Variants in PHACTR1 observed in about 807,000 individuals in gnomAD.
The protein encoded by PHACTR1 is phosphatase and actin regulator 1.
In PHACTR1, 16 loss-of-function variants were observed where a neutral mutation model predicts 69.2. The observed-to-expected ratio is 0.23, with a 90% CI of 0.16 to 0.35. The LOEUF is 0.35. Among genes scored for constraint, PHACTR1 ranks in the 10% least tolerant of loss-of-function variants. The pLI is 1.00. For missense variants in PHACTR1, 510 were observed against 734.7 expected (o/e 0.69, Z 3.54); for synonymous variants, 312 against 284.5 (o/e 1.10, Z -0.97).
chr6:13,038,106 G>T (rs1803593818), intron 4 of PHACTR1, among the ~76,000 whole-genome samples: 1 of 152,134 alleles, frequency 6.6e-6, no homozygotes, highest in African/African-American at 2.4e-5. Flanking sequence ...TAGTAATTCA[G>T]ATATTTTTCC....
chr6:12,753,971 T>TATA (rs1386704431), intron 4 of PHACTR1, among the ~76,000 whole-genome samples: 6 of 114,292 alleles, frequency 5.2e-5, no homozygotes, highest in East Asian at 2.2e-4. Context: ...TATATATATA[T>TATA]TTTTTTTTTG....
intron 3 of PHACTR1, among the ~76,000 whole-genome samples, chr6:12,719,625 T>C (rs1051470637): frequency 3.9e-5 from 6 of 152,134 alleles, no homozygotes; most frequent in African/African-American, 1.4e-4. Flanking sequence ...AGGAGGACAA[T>C]GTCCCTATTT....
chr6:13,069,354 T>G (rs1165634413), intron 5 of PHACTR1, among the ~76,000 whole-genome samples: 2 of 152,140 alleles, frequency 1.3e-5, no homozygotes, highest in Non-Finnish European at 2.9e-5. Flanking sequence ...TATTTTCTAT[T>G]CCTTTAACAC....
At chr6:12,935,234 G>A (rs1403062697) in intron 4 of PHACTR1, among the ~76,000 whole-genome samples, 1 of 151,948 alleles carries the variant, frequency 6.6e-6, no homozygotes, top group Non-Finnish European at 1.5e-5. Flanking sequence ...ATACACTGAT[G>A]TTATTTTATT....
At chr6:13,157,184 T>C (rs1758305823) in intron 5 of PHACTR1, among the ~76,000 whole-genome samples, 1 of 152,204 alleles carries the variant, frequency 6.6e-6, no homozygotes, top group Admixed American at 6.5e-5. Context: ...TTTCTCCATC[T>C]AGAGCAGGCT....
At chr6:13,151,966 A>AT (rs1824380487) in intron 5 of PHACTR1, among the ~76,000 whole-genome samples, 1 of 152,124 alleles carries the variant, frequency 6.6e-6, no homozygotes, top group East Asian at 1.9e-4. Flanking sequence ...TAAATGCCCT[A>AT]TTTTTAACAA....
chr6:13,201,507 G>A lies in PHACTR1; in HGVS notation c.665-4308G>A, dbSNP rs541086741. 6.8e-4 allele frequency among the ~76,000 whole-genome samples: 104 copies of A among 152,272 alleles called. 1 individual carries two copies. Among genetic ancestry groups the A allele is most frequent in the Non-Finnish European group, 2.5e-4 (17 of 68,032 alleles). On this transcript the variant is annotated intron_variant, in intron 7 of 14. Coordinates refer to ENST00000332995, the MANE Select transcript of PHACTR1 (RefSeq NM_030948.6). Reference sequence around the variant, plus strand: ...CATGGACTGAGCATGGAGCCATCATGGACCTCACGCATGCCCAGCAGGTGC... The same window carrying A: ...CATGGACTGAGCATGGAGCCATCATAGACCTCACGCATGCCCAGCAGGTGC...
Position 13,258,309 on chromosome 6 carries a change from C to T in PHACTR1, c.1392-14551C>T, listed in dbSNP as rs138980600. 1.3e-4 allele frequency among the ~76,000 whole-genome samples: 19 copies of T among 150,748 alleles called. No homozygotes were observed. In the East Asian group the frequency reaches 1.6e-3, roughly 12 times the overall value. On this transcript the variant is annotated intron_variant, in intron 10 of 14. Coordinates refer to ENST00000332995, the MANE Select transcript of PHACTR1 (RefSeq NM_030948.6). ...GGCGGAGGTTGTAGTGAGCTGAGAT[C>T]GCGCCACTGCACTCCAGCCTCGGCG...
At chr6:13,230,545 C>CAAA (rs59473759) in intron 10 of PHACTR1, 4 of 93,780 alleles carry the variant, frequency 4.3e-5, no homozygotes, top group African/African-American at 7.9e-5. Context: ...GACTCTGTCT[C>CAAA]AAAAAAAAAA....
chr6:12,919,965 T>C (rs1787458732), intron 4 of PHACTR1, among the ~76,000 whole-genome samples: 1 of 152,196 alleles, frequency 6.6e-6, no homozygotes, highest in South Asian at 2.1e-4. Flanking sequence ...ACAAAATCAC[T>C]TTTTGACCTC....
intron 4 of PHACTR1, chr6:12,957,292 C>A: frequency 6.9e-6 from 5 of 720,152 alleles, no homozygotes; most frequent in Non-Finnish European, 8.5e-6. Context: ...GCTGTGAGTT[C>A]CAGACTTCCA....
chr6:12,953,456 A>C (rs1267972764), intron 4 of PHACTR1, among the ~76,000 whole-genome samples: 1 of 152,266 alleles, frequency 6.6e-6, no homozygotes, highest in African/African-American at 2.4e-5. Flanking sequence ...GACACTAAAA[A>C]TATAAAACAA....
intron 4 of PHACTR1, among the ~76,000 whole-genome samples, chr6:12,850,257 G>A (rs771105622): frequency 1.3e-5 from 2 of 152,206 alleles, no homozygotes; most frequent in Non-Finnish European, 2.9e-5. Context: ...AATGGTTACT[G>A]CTGCCCTAGC....
chr6:12,824,494 C>A (rs1371098302), intron 4 of PHACTR1, among the ~76,000 whole-genome samples: 2 of 152,050 alleles, frequency 1.3e-5, no homozygotes. Context: ...TACCTAATGT[C>A]CCTAATGACA....
intron 4 of PHACTR1, among the ~76,000 whole-genome samples, chr6:12,862,898 T>G (rs1286285225): frequency 6.6e-6 from 1 of 152,214 alleles, no homozygotes; most frequent in Non-Finnish European, 1.5e-5. Context: ...TTGAAGCAAC[T>G]GTGTTGAATG....
intron 13 of PHACTR1, among the ~76,000 whole-genome samples, chr6:13,284,374 G>A (rs1467805961): frequency 6.6e-6 from 1 of 151,278 alleles, no homozygotes; most frequent in African/African-American, 2.4e-5. Context: ...AAAATTAGCC[G>A]GGCGTGATGG....
In PHACTR1 at chr6:13,283,972, C is replaced by T. The variant is rs435466; in HGVS notation, c.1650+410C>T. On this transcript the variant is annotated intron_variant, in intron 13 of 14. Coordinates refer to ENST00000332995, the MANE Select transcript of PHACTR1 (RefSeq NM_030948.6). This position sits in a 1 kb window ranked among gnomAD's most constrained non-coding sequence, Gnocchi z 4.7. ...AGAAGACAAAGTAGACGCATAACCC[C>T]AGGAGGGAAATAGGGCATAAATCAA... The T allele has an allele frequency of 0.23, 42,588 of 186,136 alleles. 8,424 individuals are homozygous for T. The highest frequency in any genetic ancestry group is 0.56 in the African/African-American group (23,806 of 42,456). The allele number at this position is 186,136 out of a possible 1,614,324, so 11.5% of individuals were successfully genotyped here.
At chr6:12,996,252 AC>A (rs1315537058) in intron 4 of PHACTR1, among the ~76,000 whole-genome samples, 1 of 152,176 alleles carries the variant, frequency 6.6e-6, no homozygotes, top group Non-Finnish European at 1.5e-5. Context: ...AATCCAAGAT[AC>A]AATGGACACT....
intron 5 of PHACTR1, among the ~76,000 whole-genome samples, chr6:13,132,093 A>G (rs976150623): frequency 6.6e-6 from 1 of 152,198 alleles, no homozygotes; most frequent in Non-Finnish European, 1.5e-5. Context: ...CAGGCATCAA[A>G]TTCATCTATT....
Sources: gnomAD v4.1 joint callset for allele counts (sites outside exome capture counted in the v4.1 genomes callset) on GRCh38, gnomAD v4.1.1 for gene constraint, Gnocchi (gnomAD v3.1) non-coding constraint, MANE v1.5 for transcripts, NCBI Gene and HGNC (gene_info 2026-07-23, HGNC 2026-07-21) for gene names.